Variants in LAP3 observed in about 807,000 individuals in gnomAD.
The protein encoded by LAP3 is leucine aminopeptidase 3.
LAP3 carries 46 observed loss-of-function variants against 58.8 expected under a neutral mutation model. The observed-to-expected ratio is 0.78, with a 90% CI of 0.62 to 1.00. The LOEUF is 1.00. Ranked by LOEUF, LAP3 falls within the 50% of genes least tolerant of loss-of-function variation. The pLI is 0.00. For missense variants in LAP3, 615 were observed against 659.1 expected, an observed-to-expected ratio of 0.93 and a Z score of 0.73; for synonymous variants, 257 against 237.7, an observed-to-expected ratio of 1.08 and a Z score of -0.75.
intron 1 of LAP3, 43 bp downstream of exon 1, chr4:17,577,610 G>T (rs1259801488): frequency 6.9e-7 from 1 of 1,441,510 alleles, no homozygotes; most frequent in Non-Finnish European, 9.4e-7. Flanking sequence ...CTGGGGCCCT[G>T]CCCGTGGGCT....
At position 17,600,925 on chromosome 4, in the gene LAP3, T is replaced by C. The variant is rs904856795; in HGVS notation, c.1180+2367T>C. ...TTCACAGGAAGGATGCCGTGAAGAT[T>C]AAATGAGACAATACAGGTTGATGTC... is the stretch of plus-strand genomic sequence containing the variant. On this transcript the variant is annotated intron_variant, in intron 10 of 12. Transcript: ENST00000226299. Among the ~76,000 whole-genome samples, 6 of 152,312 alleles carry C rather than the reference T, an allele frequency of 3.9e-5. No homozygotes were observed. The South Asian group carries it at 1.2e-3, about 32-fold the overall frequency.
intron 4 of LAP3, 168 bp from the exon 5 acceptor site, chr4:17,583,315 A>G: frequency 2.8e-6 from 2 of 725,322 alleles, no homozygotes. Flanking sequence ...AAATGCACTC[A>G]CGTCTTCATT....
At chr4:17,593,608 G>GATTTTT (rs1487764033) in intron 7 of LAP3, among the ~76,000 whole-genome samples, 1 of 48,200 alleles carries the variant, frequency 2.1e-5, no homozygotes, top group Admixed American at 2.5e-4. Context: ...AATCTGCTTG[G>GATTTTT]GTTTTTTTTT....
intron 7 of LAP3, among the ~76,000 whole-genome samples, chr4:17,589,642 T>C (rs1713626176): frequency 6.6e-6 from 1 of 151,898 alleles, no homozygotes; most frequent in Non-Finnish European, 1.5e-5. Context: ...AAAAAAAATA[T>C]AGAGATGAGT....
chr4:17,582,459 C>G, intron 4 of LAP3, 66 bp downstream of exon 4: 6 of 1,266,222 alleles, frequency 4.7e-6, no homozygotes, highest in Non-Finnish European at 6.7e-6. Context: ...TCTCTTTCCC[C>G]TTTTTGTCCT....
Position 17,583,584 on chromosome 4 carries a change from G to A in LAP3, c.481G>A (p.Glu161Lys), listed in dbSNP as rs765893649. 2 of 1,614,144 alleles carry A rather than the reference G, an allele frequency of 1.2e-6. No individual in the cohort carries two copies. Among genetic ancestry groups the A allele is most frequent in the South Asian group, 2.2e-5 (2 of 91,076 alleles). ...GGAGGGAGCGGTGCTTGGTCTCTATGAATACGATGACCTAAAGCAAAAAAA... is the reference window on the plus strand; with the variant it reads ...GGAGGGAGCGGTGCTTGGTCTCTATAAATACGATGACCTAAAGCAAAAAAA... ...AAEGAVLGLY[E>K]YDDLKQKKKM... The change falls in exon 5 of 13, where the codon GAA becomes AAA. Residue 161 changes from glutamate (E) to lysine (K), a missense_variant. Transcript: ENST00000226299.
chr4:17,596,190 GCAGACATCA>G (rs1219258472), intron 8 of LAP3, among the ~76,000 whole-genome samples: 1 of 152,022 alleles, frequency 6.6e-6, no homozygotes, highest in Non-Finnish European at 1.5e-5. Context: ...AAAGTCAGTT[GCAGACATCA>G]CGACACGTCC....
rs1030170520 is a variant in LAP3 at position 17,607,699 on chromosome 4, A to C, written c.*110A>C. The C allele has an allele frequency of 1.5e-5, 12 of 808,082 alleles. No individual in the cohort carries two copies. The South Asian group carries it at 2.6e-4, about 17-fold the overall frequency. The allele number at this position is 808,082 out of a possible 1,614,324, so 50.1% of individuals were successfully genotyped here. A position where few individuals can be genotyped will look rare whatever the true frequency, so the allele number is the denominator to read the frequency against. ...TTAACGGAGACAAAGGATGGTATTT[A>C]AAAATGTAGAACACAATGAAATTTG... is the stretch of plus-strand genomic sequence containing the variant. On this transcript the variant is annotated 3_prime_UTR_variant, in exon 13 of 13. Coordinates refer to ENST00000226299, the MANE Select transcript of LAP3 (RefSeq NM_015907.3).
At chr4:17,591,196 C>T (rs189455554) in intron 7 of LAP3, among the ~76,000 whole-genome samples, 1 of 152,190 alleles carries the variant, frequency 6.6e-6, no homozygotes, top group East Asian at 1.9e-4. Flanking sequence ...CCTGCCTGAG[C>T]CTCCCGAGTA....
chr4:17,605,014 A>G (rs887108333), intron 11 of LAP3, among the ~76,000 whole-genome samples: 1 of 152,070 alleles, frequency 6.6e-6, no homozygotes, highest in Non-Finnish European at 1.5e-5. Flanking sequence ...GAGTCATATA[A>G]GGGAGTTCAC....
chr4:17,598,505 G>A lies in LAP3; in HGVS notation c.1127G>A (p.Cys376Tyr). ...AGGCTCATACTGGCTGATGCGCTCT[G>A]TTACGCACACACGTTTAACCCGAAG... ...EGRLILADAL[C>Y]YAHTFNPKVI... The change falls in exon 10 of 13, where the codon TGT (cysteine) becomes TAT (tyrosine). Residue 376 changes from cysteine to tyrosine, a missense_variant. Physicochemically the swap from Cys to Tyr is radical, Grantham distance 194. Transcript: ENST00000226299. 6.2e-7 allele frequency: 1 copy of A among 1,614,150 alleles called. No individual in the cohort carries two copies. Among genetic ancestry groups the A allele is most frequent in the Non-Finnish European group, 8.5e-7 (1 of 1,180,026 alleles).
intron 7 of LAP3, among the ~76,000 whole-genome samples, chr4:17,594,507 A>G (rs1713778824): frequency 6.6e-6 from 1 of 152,224 alleles, no homozygotes; most frequent in Non-Finnish European, 1.5e-5. Flanking sequence ...ATTAGAACTT[A>G]GAGTCGAAGC....
intron 7 of LAP3, among the ~76,000 whole-genome samples, chr4:17,591,387 C>G (rs1426469072): frequency 2.0e-5 from 3 of 149,178 alleles, no homozygotes; most frequent in Non-Finnish European, 4.5e-5. Flanking sequence ...GTGATCCCCC[C>G]ACCTTGGCCT....
intron 7 of LAP3, among the ~76,000 whole-genome samples, chr4:17,594,193 T>C (rs1020053085): frequency 6.6e-6 from 1 of 151,916 alleles, no homozygotes; most frequent in Non-Finnish European, 1.5e-5. Context: ...CTTAGAACCA[T>C]AGTCATAGGA....
Position 17,577,390 on chromosome 4 carries a change from C to A in LAP3, c.-76C>A. The A allele has an allele frequency of 8.4e-7, 1 of 1,184,094 alleles. No homozygotes were observed. Among genetic ancestry groups the A allele is most frequent in the Non-Finnish European group, 1.1e-6 (1 of 877,958 alleles). 73.3% of individuals were successfully genotyped at this position (1,184,094 alleles called of 1,614,324 possible). On this transcript the variant is annotated 5_prime_UTR_variant, in exon 1 of 13. Transcript: ENST00000226299. ...GCGCACGCCGTCTGCGCCCCGAAAG[C>A]CCCGCCCCAAGGCGCGCCCGCCCAC...
chr4:17,593,519 TCA>T (rs1713750103), intron 7 of LAP3, among the ~76,000 whole-genome samples: 1 of 100,344 alleles, frequency 1.0e-5, no homozygotes, highest in South Asian at 3.2e-4. Flanking sequence ...TGAAATCTAG[TCA>T]CATGAGTCCT....
chr4:17,591,053 G>A (rs1020975736), intron 7 of LAP3, among the ~76,000 whole-genome samples: 1 of 149,860 alleles, frequency 6.7e-6, no homozygotes, highest in African/African-American at 2.5e-5. Flanking sequence ...ACAGGTGTGA[G>A]CCACCACACC....
chr4:17,600,916 C>T (rs756353460), intron 10 of LAP3, among the ~76,000 whole-genome samples: 36 of 152,138 alleles, frequency 2.4e-4, no homozygotes, highest in South Asian at 1.2e-3. Flanking sequence ...GGAAGGATGC[C>T]GTGAAGATTA....
intron 10 of LAP3, among the ~76,000 whole-genome samples, chr4:17,602,678 A>G (rs115036400): frequency 0.017 from 2,540 of 152,172 alleles, 85 homozygotes; most frequent in African/African-American, 0.058. Context: ...ATTTGTTTAT[A>G]AAAGAGGAAT....
Sources: allele counts gnomAD v4.1 joint callset (sites outside exome capture counted in the v4.1 genomes callset), GRCh38; gene constraint gnomAD v4.1.1; transcripts MANE v1.5; gene names NCBI Gene and HGNC (gene_info 2026-07-23, HGNC 2026-07-21).